Variants in SLC12A3 observed in about 807,000 individuals in gnomAD.
The protein encoded by SLC12A3 is Na-Cl cotransporter.
Under a neutral mutation model 121.0 loss-of-function variants are expected in SLC12A3, and 104 were observed. That is an observed-to-expected ratio of 0.86 (90% CI 0.73 to 1.01). The LOEUF is 1.01. Ranked by LOEUF, SLC12A3 falls within the 50% of genes least tolerant of loss-of-function variation. The pLI, the probability that SLC12A3 is intolerant of heterozygous loss-of-function variation, is 0.00. For missense variants in SLC12A3, 1,328 were observed against 1,356.3 expected (o/e 0.98, Z 0.33); for synonymous variants, 536 against 533.4 (o/e 1.00, Z -0.07).
chr16:56,909,419 C>T (rs181944067), intron 25 of SLC12A3, among the ~76,000 whole-genome samples: 3 of 150,020 alleles, frequency 2.0e-5, no homozygotes, highest in Admixed American at 1.3e-4. Flanking sequence ...TCCCACCCCC[C>T]ATCCCTACCA....
At position 56,870,719 on chromosome 16, in the gene SLC12A3, A is replaced by G. The variant is rs2055082703; in HGVS notation, c.835A>G (p.Met279Val). The G allele has an allele frequency of 7.4e-6, 12 of 1,611,990 alleles. No individual in the cohort carries two copies. In the East Asian group the frequency reaches 2.7e-4, roughly 36 times the overall value. The change falls in exon 6 of 26, where the codon ATG (methionine) becomes GTG (valine). Residue 279 changes from methionine to valine, a missense_variant. Physicochemically the swap from Met to Val is conservative, Grantham distance 21 (BLOSUM62 1). Transcript: ENST00000563236. ...TVLLAISLAGMEWESKAQVLF... is the reference protein window; with the variant it reads ...TVLLAISLAGVEWESKAQVLF... ...GCTGCTGGCCATCTCCCTGGCTGGCATGGAGTGGGAGTCCAAGGTGAGGAG... is the reference window on the plus strand; with the variant it reads ...GCTGCTGGCCATCTCCCTGGCTGGCGTGGAGTGGGAGTCCAAGGTGAGGAG...
intron 6 of SLC12A3, among the ~76,000 whole-genome samples, chr16:56,870,990 A>G (rs2055089078): frequency 1.3e-5 from 2 of 151,760 alleles, no homozygotes; most frequent in African/African-American, 2.4e-5. Flanking sequence ...ACCTGCCACC[A>G]CACCTGGCTA....
chr16:56,902,583 C>T (rs1299433390), intron 24 of SLC12A3, 75 bp downstream of exon 24: 1 of 1,562,396 alleles, frequency 6.4e-7, no homozygotes, highest in African/African-American at 1.4e-5. Context: ...GTCTTGAGCT[C>T]CCCCAGCCCC....
In SLC12A3 at chr16:56,867,731, G is replaced by A. The variant is rs558023157; in HGVS notation, c.429+515G>A. 2.4e-4 allele frequency among the ~76,000 whole-genome samples: 37 copies of A among 152,326 alleles called. 3 individuals are homozygous for A. In the South Asian group the frequency reaches 5.0e-3, roughly 20 times the overall value. On this transcript the variant is annotated intron_variant, in intron 2 of 25. Transcript: ENST00000563236. Reference sequence around the variant, plus strand: ...CCCAGATGCTCTTATTCAGAGCTGGGATCTCCCTCCTGGGCTGTGTTGCCA... The same window carrying A: ...CCCAGATGCTCTTATTCAGAGCTGGAATCTCCCTCCTGGGCTGTGTTGCCA...
At position 56,870,706 on chromosome 16, in the gene SLC12A3, C is replaced by G; in HGVS notation, c.822C>G (p.Ile274Met). ...AVVSVTVLLA[I>M]SLAGMEWESK... is the part of the protein sequence containing the mutation. ...TCTCGGTCACTGTGCTGCTGGCCAT[C>G]TCCCTGGCTGGCATGGAGTGGGAGT... The change falls in exon 6 of 26, where the codon ATC becomes ATG. Residue 274 changes from isoleucine to methionine, a missense_variant. By Grantham distance (10) the Ile-to-Met change is conservative (BLOSUM62 1). Coordinates refer to ENST00000563236, the MANE Select transcript of SLC12A3 (RefSeq NM_001126108.2). 3.1e-6 allele frequency: 5 copies of G among 1,613,268 alleles called. No individual in the cohort carries two copies. The highest frequency in any genetic ancestry group is 4.2e-6 in the Non-Finnish European group (5 of 1,179,202).
At chr16:56,883,008 G>A (rs1224149593) in intron 13 of SLC12A3, among the ~76,000 whole-genome samples, 1 of 152,088 alleles carries the variant, frequency 6.6e-6, no homozygotes, top group Admixed American at 6.6e-5. Flanking sequence ...CTGACAGTGT[G>A]CACTTTACAT....
chr16:56,898,908 TAGAAATGC>T (rs1359459764), intron 22 of SLC12A3, among the ~76,000 whole-genome samples: 2 of 152,126 alleles, frequency 1.3e-5, no homozygotes, highest in Admixed American at 1.3e-4. Context: ...GGGAGTGTGT[TAGAAATGC>T]AGAATCCCAG....
rs1012589972 is a variant in SLC12A3, at chr16:56,892,241, G to A, written c.2419+108G>A. The A allele has an allele frequency of 2.0e-5, 20 of 996,550 alleles. No individual in the cohort carries two copies. The Admixed American group carries it at 3.4e-4, about 17-fold the overall frequency. The allele number at this position is 996,550 out of a possible 1,614,324, so 61.7% of individuals were successfully genotyped here. Reference sequence around the variant, plus strand: ...TGGGCCACTTGGGAACTTGGTCGAGGACAGGTGGTTTTTTCTTGTGACGGT... The same window carrying A: ...TGGGCCACTTGGGAACTTGGTCGAGAACAGGTGGTTTTTTCTTGTGACGGT... On this transcript the variant is annotated intron_variant, in intron 20 of 25. Transcript: ENST00000563236.
intron 8 of SLC12A3, among the ~76,000 whole-genome samples, chr16:56,877,534 G>A (rs1489502702): frequency 6.6e-6 from 1 of 152,242 alleles, no homozygotes; most frequent in Non-Finnish European, 1.5e-5. Context: ...ATCAATTGGT[G>A]CATAATGATT....
Position 56,902,400 on chromosome 16 carries a change from A to G in SLC12A3, c.2748A>G (p.Ala916=), listed in dbSNP as rs753646359. 8.1e-6 allele frequency: 13 copies of G among 1,613,242 alleles called. No individual in the cohort carries two copies. Among genetic ancestry groups the G allele is most frequent in the Non-Finnish European group, 1.0e-5 (12 of 1,179,946 alleles). The change falls in exon 24 of 26, where the codon GCA becomes GCG. Residue 916 remains alanine, a synonymous_variant. Transcript: ENST00000563236. ...CCAAGAGGTTTGAGGACATGATTGC[A>G]CCCTTCCGTCTGAATGATGGCTTCA... ...EHTKRFEDMI[A]PFRLNDGFKD...
At position 56,870,254 on chromosome 16, in the gene SLC12A3, A is replaced by G. The variant is rs1473229130; in HGVS notation, c.741+19A>G. 2 of 1,610,286 alleles carry G rather than the reference A, an allele frequency of 1.2e-6. No individual in the cohort carries two copies. Among genetic ancestry groups the G allele is most frequent in the African/African-American group, 1.3e-5 (1 of 74,892 alleles). ...GCTCCAGGTGAGGCCGGGGGGCTGG[A>G]CCCTGGGTAGAGGGATCCGGGCAGC... is the stretch of plus-strand genomic sequence containing the variant. On this transcript the variant is annotated intron_variant, in intron 5 of 25. Coordinates refer to ENST00000563236, the MANE Select transcript of SLC12A3 (RefSeq NM_001126108.2).
chr16:56,886,476 G>A lies in SLC12A3; in HGVS notation c.2037+1G>A, dbSNP rs775799617. On this transcript the variant is annotated splice_donor_variant, in intron 16 of 25. Transcript: ENST00000563236. LOFTEE classifies it high-confidence loss of function. ...GATGATCTGTGGCCACGTGCTCATC[G>A]TGAGTGGCCCCTGGAGGGGCACAGG... 19 of 1,612,416 alleles carry A rather than the reference G, an allele frequency of 1.2e-5. No homozygotes were observed. The highest frequency in any genetic ancestry group is 1.1e-4 in the African/African-American group (8 of 74,916).
At chr16:56,910,233 G>A (rs111308807) in intron 25 of SLC12A3, among the ~76,000 whole-genome samples, 1,659 of 151,986 alleles carry the variant, frequency 0.011, 37 homozygotes, top group African/African-American at 0.038. Flanking sequence ...GAGTGCAGTG[G>A]CAGGATCTCG....
chr16:56,867,685 A>T (rs2144683808), intron 2 of SLC12A3, among the ~76,000 whole-genome samples: 1 of 152,244 alleles, frequency 6.6e-6, no homozygotes, highest in Non-Finnish European at 1.5e-5. Context: ...TCTCCATCTG[A>T]ACCACGAGCC....
intron 8 of SLC12A3, among the ~76,000 whole-genome samples, chr16:56,877,211 G>T (rs1369306084): frequency 6.6e-6 from 1 of 152,136 alleles, no homozygotes; most frequent in South Asian, 2.1e-4. Flanking sequence ...GGCTATCATG[G>T]TGAAACCCCG....
At chr16:56,869,958 G>A (rs1418774868) in intron 4 of SLC12A3, 134 bp downstream of exon 4, 8 of 1,375,268 alleles carry the variant, frequency 5.8e-6, no homozygotes, top group African/African-American at 2.8e-5. Context: ...TAGGCAGGCT[G>A]TCTACACCAC....
intron 10 of SLC12A3, 48 bp from the exon 11 acceptor site, chr16:56,879,494 C>T (rs2082956): frequency 6.8e-7 from 1 of 1,472,988 alleles, no homozygotes; most frequent in Non-Finnish European, 9.5e-7. Context: ...GATGGGGGCT[C>T]CTGGCTCAGC....
chr16:56,894,460 G>A, intron 21 of SLC12A3, 71 bp from the exon 22 acceptor site: 2 of 1,072,530 alleles, frequency 1.9e-6, no homozygotes, highest in Non-Finnish European at 2.8e-6. Context: ...TGGCAGAGCG[G>A]GGCAGGAACT....
chr16:56,881,743 G>A (rs1200725458), intron 12 of SLC12A3, among the ~76,000 whole-genome samples: 1 of 151,954 alleles, frequency 6.6e-6, no homozygotes, highest in East Asian at 1.9e-4. Context: ...AGGTGTCCTG[G>A]GCCACATTGC....
Sources: allele counts gnomAD v4.1 joint callset (sites outside exome capture counted in the v4.1 genomes callset), GRCh38; gene constraint gnomAD v4.1.1; transcripts MANE v1.5; gene names NCBI Gene and HGNC (gene_info 2026-07-23, HGNC 2026-07-21).